The following TSHZ2 variants were observed in gnomAD, a reference collection of about 807,000 sequenced individuals.
TSHZ2 encodes teashirt zinc finger homeobox 2.
TSHZ2 carries 21 observed loss-of-function variants against 74.4 expected under a neutral mutation model. That is an observed-to-expected ratio of 0.28 (90% confidence interval 0.20 to 0.41). TSHZ2 has a LOEUF of 0.41. Among genes scored for constraint, TSHZ2 ranks in the 10% least tolerant of loss-of-function variants. TSHZ2 has a pLI of 1.00. For missense variants in TSHZ2, 1,244 were observed against 1,293.5 expected (o/e 0.96, Z 0.59); for synonymous variants, 540 against 515.3 (o/e 1.05, Z -0.65).
At chr20:53,296,457 C>T (rs200633) in intron 2 of TSHZ2, among the ~76,000 whole-genome samples, 11,479 of 152,224 alleles carry the variant, frequency 0.075, 616 homozygotes, top group East Asian at 0.22. Flanking sequence ...GTGTTATCTC[C>T]CTCATCCATC....
At chr20:53,411,920 A>G (rs1983068247) in intron 2 of TSHZ2, among the ~76,000 whole-genome samples, 1 of 152,246 alleles carries the variant, frequency 6.6e-6, no homozygotes, top group Non-Finnish European at 1.5e-5. Flanking sequence ...AAAGAGTCCC[A>G]CACATAATGA....
intron 1 of TSHZ2, among the ~76,000 whole-genome samples, chr20:52,983,350 A>G (rs907978934): frequency 6.6e-6 from 1 of 152,214 alleles, no homozygotes; most frequent in South Asian, 2.1e-4. Flanking sequence ...TCTTCCTCAC[A>G]AATGAATGTT....
intron 1 of TSHZ2, among the ~76,000 whole-genome samples, chr20:53,182,194 T>A: frequency 1.4e-5 from 2 of 141,066 alleles, no homozygotes; most frequent in Non-Finnish European, 3.1e-5. Flanking sequence ...TTTCTTTCTT[T>A]CTTCTTCTCT....
At chr20:53,192,031 T>C (rs1450468459) in intron 1 of TSHZ2, among the ~76,000 whole-genome samples, 2 of 152,212 alleles carry the variant, frequency 1.3e-5, no homozygotes, top group Non-Finnish European at 2.9e-5. Flanking sequence ...AAAATCACAA[T>C]AGCAGTGAAC....
chr20:53,410,883 C>T (rs1172892253), intron 2 of TSHZ2, among the ~76,000 whole-genome samples: 2 of 151,994 alleles, frequency 1.3e-5, no homozygotes, highest in African/African-American at 4.8e-5. Flanking sequence ...CCATTTTGGC[C>T]AGGCTGGTCT....
intron 1 of TSHZ2, among the ~76,000 whole-genome samples, chr20:53,019,428 G>A (rs1188946658): frequency 1.3e-5 from 2 of 152,098 alleles, no homozygotes; most frequent in Non-Finnish European, 2.9e-5. Context: ...TGACTGCTGG[G>A]ACAAGGCTCA....
chr20:53,070,664 G>A (rs1045635235), intron 1 of TSHZ2, among the ~76,000 whole-genome samples: 4 of 152,310 alleles, frequency 2.6e-5, no homozygotes, highest in East Asian at 1.9e-4. Context: ...GAATGTGTGT[G>A]TATGTGTGTG....
At chr20:53,277,811 T>C (rs994445869) in intron 2 of TSHZ2, among the ~76,000 whole-genome samples, 3 of 152,148 alleles carry the variant, frequency 2.0e-5, no homozygotes, top group Non-Finnish European at 4.4e-5. Flanking sequence ...GGTTCAAGTC[T>C]CTCCTGTGGA....
chr20:53,362,216 G>T (rs1395775362), intron 2 of TSHZ2, among the ~76,000 whole-genome samples: 1 of 138,384 alleles, frequency 7.2e-6, no homozygotes, highest in East Asian at 2.1e-4. Flanking sequence ...ATGGAGTCTC[G>T]CTCTGTTGCC....
intron 1 of TSHZ2, among the ~76,000 whole-genome samples, chr20:53,162,186 TAAAAG>T (rs1156749549): frequency 2.6e-5 from 4 of 152,132 alleles, no homozygotes; most frequent in African/African-American, 9.7e-5. Context: ...ATTTTATAAA[TAAAAG>T]AGACTCGCCT....
chr20:53,098,274 C>G (rs1046424147), intron 1 of TSHZ2, among the ~76,000 whole-genome samples: 4 of 152,150 alleles, frequency 2.6e-5, no homozygotes, highest in Non-Finnish European at 5.9e-5. Context: ...ATGCATAATG[C>G]TTAGTTTATT....
intron 1 of TSHZ2, among the ~76,000 whole-genome samples, chr20:53,060,456 G>A (rs1984783348): frequency 6.6e-6 from 1 of 152,140 alleles, no homozygotes. Context: ...TTAAAAAGTT[G>A]AGTCTTCCCA....
intron 2 of TSHZ2, among the ~76,000 whole-genome samples, chr20:53,474,088 A>G: frequency 6.6e-6 from 1 of 150,506 alleles, no homozygotes; most frequent in Non-Finnish European, 1.5e-5. Flanking sequence ...ACTCTGCAGG[A>G]TATTATCCAG....
chr20:53,351,361 T>A (rs956978567), intron 2 of TSHZ2, among the ~76,000 whole-genome samples: 1 of 152,144 alleles, frequency 6.6e-6, no homozygotes, highest in African/African-American at 2.4e-5. Flanking sequence ...CTTCAAAAAA[T>A]GTTTGATGAA....
chr20:53,275,465 G>A (rs931774084), intron 2 of TSHZ2, among the ~76,000 whole-genome samples: 3 of 151,992 alleles, frequency 2.0e-5, no homozygotes, highest in Non-Finnish European at 4.4e-5. Flanking sequence ...GCATTAACTG[G>A]GGAGAAATGT....
At chr20:53,336,305 C>T (rs913942556) in intron 2 of TSHZ2, among the ~76,000 whole-genome samples, 1 of 152,152 alleles carries the variant, frequency 6.6e-6, no homozygotes, top group African/African-American at 2.4e-5. Flanking sequence ...CATAGCTTCA[C>T]GCCCAGGGAA....
rs980737687 is a variant in TSHZ2, at chr20:53,467,798, A to G, written c.*9-19346A>G. 5.3e-5 allele frequency among the ~76,000 whole-genome samples: 8 copies of G among 152,312 alleles called. No individual in the cohort carries two copies. The East Asian group carries it at 1.5e-3, about 29-fold the overall frequency. On this transcript the variant is annotated intron_variant, in intron 2 of 2. Coordinates refer to ENST00000371497, the MANE Select transcript of TSHZ2 (RefSeq NM_173485.6). The stretch of plus-strand genomic sequence containing the variant: ...TCTGAGCTTCCTGGTAGTGAAAGCA[A>G]GAATGCAAACATGATCCATCCCAAG...
At chr20:53,286,886 T>TAC (rs71194467) in intron 2 of TSHZ2, among the ~76,000 whole-genome samples, 18,815 of 139,386 alleles carry the variant, frequency 0.13, 1,179 homozygotes, top group Non-Finnish European at 0.16. Flanking sequence ...GTCTCAAAAA[T>TAC]ACACACACAC....
rs144361614 is a variant in TSHZ2 at position 53,256,116 on chromosome 20, T to G, written c.2658T>G (p.Ser886=). ...DLGPQERMQI[S]KFTGLSMTTI... is the part of the protein sequence containing the mutation. ...GCCCACAAGAGCGTATGCAAATCTC[T>G]AAGTTTACGGGACTCTCAATGACCA... The change falls in exon 2 of 3, where the codon TCT becomes TCG. Residue 886 remains serine (S), a synonymous_variant. Coordinates refer to ENST00000371497, the MANE Select transcript of TSHZ2 (RefSeq NM_173485.6). This position sits in a 1 kb window ranked among gnomAD's most constrained non-coding sequence, Gnocchi z 4.3. 4.2e-3 allele frequency: 6,837 copies of G among 1,614,134 alleles called. 37 individuals are homozygous for G. Among genetic ancestry groups the G allele is most frequent in the Non-Finnish European group, 4.2e-3 (4,997 of 1,179,984 alleles).
Sources: gnomAD v4.1 joint callset for allele counts (sites outside exome capture counted in the v4.1 genomes callset) on GRCh38, gnomAD v4.1.1 for gene constraint, Gnocchi (gnomAD v3.1) non-coding constraint, MANE v1.5 for transcripts, NCBI Gene and HGNC (gene_info 2026-07-23, HGNC 2026-07-21) for gene names.